Variants in CDYL observed in about 807,000 individuals in gnomAD.
CDYL encodes chromodomain Y-like protein.
Under a neutral mutation model 47.3 loss-of-function variants are expected in CDYL, and 8 were observed. The observed-to-expected ratio is 0.17, with a 90% CI of 0.10 to 0.31. The LOEUF is 0.31. Among genes scored for constraint, CDYL ranks in the 10% least tolerant of loss-of-function variants. The probability of loss-of-function intolerance (pLI) is 1.00; values close to 1 mark genes in which losing one functional copy is unlikely to be tolerated. For synonymous variants in CDYL, 266 were observed against 265.0 expected, an observed-to-expected ratio of 1.00 and a Z score of -0.04; for missense variants, 471 against 701.4, an observed-to-expected ratio of 0.67 and a Z score of 3.71.
At chr6:4,899,594 G>T (rs1216451313) in intron 2 of CDYL, among the ~76,000 whole-genome samples, 1 of 152,124 alleles carries the variant, frequency 6.6e-6, no homozygotes, top group East Asian at 1.9e-4. Flanking sequence ...TCATCTCTCT[G>T]GTAATGAATT....
rs546851201 is a variant in CDYL, at chr6:4,867,082, G to A, written c.25-24631G>A. Among the ~76,000 whole-genome samples, 74 of 152,068 alleles carry A rather than the reference G, an allele frequency of 4.9e-4. 1 individual carries two copies. The highest frequency in any genetic ancestry group is 1.6e-3 in the African/African-American group (67 of 41,516). On this transcript the variant is annotated intron_variant, in intron 1 of 6. Coordinates refer to ENST00000397588, the MANE Select transcript of CDYL (RefSeq NM_004824.4). ...AATATTTTGCCATTAGTGTTTCATCGATAATTTCTCACAGATATCTTTTTT... is the reference window on the plus strand; with the variant it reads ...AATATTTTGCCATTAGTGTTTCATCAATAATTTCTCACAGATATCTTTTTT...
chr6:4,864,543 C>T (rs1030991220), intron 1 of CDYL, among the ~76,000 whole-genome samples: 1 of 152,138 alleles, frequency 6.6e-6, no homozygotes, highest in Non-Finnish European at 1.5e-5. Flanking sequence ...CAAACCTCAA[C>T]TTGAATTGTA....
At position 4,891,920 on chromosome 6, in the gene CDYL, A is replaced by C. The variant is rs776663806; in HGVS notation, c.232A>C (p.Asn78His). 17 of 1,614,002 alleles carry C rather than the reference A, an allele frequency of 1.1e-5. No individual in the cohort carries two copies. The Admixed American group carries it at 2.7e-4, about 25-fold the overall frequency. The change falls in exon 2 of 7, where the codon AAT becomes CAT. Residue 78 changes from asparagine to histidine, a missense_variant. Asn to His is a moderately conservative substitution (Grantham distance 68). This residue lies in a region of CDYL where 311 missense variants were observed against 350.0 expected (regional missense o/e 0.89). Transcript: ENST00000397588. ...CAGAACAAACAGGACCTCTCCCAAC[A>C]ATGCTAGGAAACAAATCTCCAGATC... is the stretch of plus-strand genomic sequence containing the variant. ...LTRTNRTSPN[N>H]ARKQISRSTN...
chr6:4,755,044 T>G (rs1758054329), intron 3 of CDYL, among the ~76,000 whole-genome samples: 1 of 151,880 alleles, frequency 6.6e-6, no homozygotes, highest in Non-Finnish European at 1.5e-5. Context: ...TTGTTGTTGT[T>G]TTTTGTTTTT....
At chr6:4,789,557 G>C (rs233479) in intron 1 of CDYL, among the ~76,000 whole-genome samples, 65,239 of 151,974 alleles carry the variant, frequency 0.43, 17,341 homozygotes, top group African/African-American at 0.76. Flanking sequence ...AACTTAAATG[G>C]CTGCTACCCA....
intron 3 of CDYL, among the ~76,000 whole-genome samples, chr6:4,767,335 G>A (rs1037249803): frequency 5.9e-5 from 9 of 152,038 alleles, no homozygotes; most frequent in Admixed American, 2.6e-4. Flanking sequence ...AGCACTTCGG[G>A]AGGCTGAGGC....
At chr6:4,715,632 C>G (rs1356766175) in intron 1 of CDYL, 5 of 1,073,310 alleles carry the variant, frequency 4.7e-6, no homozygotes. Context: ...AAAATGCTGG[C>G]TCACTCTCAG....
chr6:4,821,469 C>T (rs377419996), intron 1 of CDYL, among the ~76,000 whole-genome samples: 1 of 151,848 alleles, frequency 6.6e-6, no homozygotes, highest in Non-Finnish European at 1.5e-5. Context: ...CGTGGTGGCT[C>T]ATGCCTGTAA....
At chr6:4,715,816 A>G (rs749493194) in exon 2 of CDYL, 1 of 1,614,194 alleles carries the variant, frequency 6.2e-7, no homozygotes, top group Non-Finnish European at 8.5e-7. Context: ...GCCTGGGGAA[A>G]AAGCAGGAAG....
intron 2 of CDYL, among the ~76,000 whole-genome samples, chr6:4,902,072 C>T (rs1310566381): frequency 6.6e-6 from 1 of 152,088 alleles, no homozygotes; most frequent in Non-Finnish European, 1.5e-5. Context: ...TGAGAGGATA[C>T]CCCAGGGGAA....
At chr6:4,836,618 A>T in intron 1 of CDYL, among the ~76,000 whole-genome samples, 1 of 152,200 alleles carries the variant, frequency 6.6e-6, no homozygotes, top group Non-Finnish European at 1.5e-5. Flanking sequence ...ATCTGTTAGC[A>T]ATAGATAATT....
At chr6:4,839,020 G>C (rs1206069984) in intron 1 of CDYL, among the ~76,000 whole-genome samples, 1 of 152,148 alleles carries the variant, frequency 6.6e-6, no homozygotes, top group Non-Finnish European at 1.5e-5. Flanking sequence ...TTCCATAGCA[G>C]CTGTACTAGT....
At chr6:4,719,328 G>GGATTACTAGGTCGAAA (rs1488456516) in intron 2 of CDYL, among the ~76,000 whole-genome samples, 4 of 152,102 alleles carry the variant, frequency 2.6e-5, no homozygotes, top group African/African-American at 9.7e-5. Flanking sequence ...TATAGAAGTA[G>GGATTACTAGGTCGAAA]GATTACTAGG....
At chr6:4,929,343 T>A (rs940654439) in intron 2 of CDYL, among the ~76,000 whole-genome samples, 3 of 152,306 alleles carry the variant, frequency 2.0e-5, no homozygotes, top group Admixed American at 2.0e-4. Context: ...CTTTTTGTTC[T>A]CATGTTATCA....
intron 2 of CDYL, among the ~76,000 whole-genome samples, chr6:4,722,096 G>T (rs989473121): frequency 6.6e-6 from 1 of 151,930 alleles, no homozygotes. Context: ...CTTTTGATCC[G>T]CATGCCTCAG....
chr6:4,857,239 C>T (rs1761036737), intron 1 of CDYL, among the ~76,000 whole-genome samples: 1 of 152,156 alleles, frequency 6.6e-6, no homozygotes, highest in South Asian at 2.1e-4. Flanking sequence ...TCAACCATCA[C>T]CACCAAACAT....
intron 1 of CDYL, among the ~76,000 whole-genome samples, chr6:4,803,803 A>G (rs968672909): frequency 5.3e-5 from 8 of 149,864 alleles, no homozygotes; most frequent in Non-Finnish European, 3.0e-5. Flanking sequence ...TAGCTTGTAA[A>G]TGATGTATTT....
chr6:4,779,732 C>T (rs988622850), intron 1 of CDYL, among the ~76,000 whole-genome samples: 3 of 152,104 alleles, frequency 2.0e-5, no homozygotes, highest in African/African-American at 4.8e-5. Context: ...AAAAGACAAG[C>T]GTCCTTTACA....
chr6:4,870,024 A>G (rs1053439483), intron 1 of CDYL, among the ~76,000 whole-genome samples: 3 of 151,946 alleles, frequency 2.0e-5, no homozygotes, highest in Admixed American at 6.6e-5. Flanking sequence ...GAATATCTTT[A>G]TTTTGCTTTC....
Sources: gnomAD v4.1 joint callset for allele counts (sites outside exome capture counted in the v4.1 genomes callset) on GRCh38, gnomAD v4.1.1 for gene constraint, gnomAD v4.1.1 regional missense constraint, MANE v1.5 for transcripts, NCBI Gene and HGNC (gene_info 2026-07-23, HGNC 2026-07-21) for gene names.